EPB41L4B: variants seen among roughly 807,000 people sequenced by gnomAD.
The protein encoded by EPB41L4B is erythrocyte membrane protein band 4.1 like 4B.
EPB41L4B carries 30 observed loss-of-function variants against 112.5 expected under a neutral mutation model. The observed-to-expected ratio is 0.27, with a 90% CI of 0.20 to 0.36. The LOEUF (loss-of-function observed/expected upper bound fraction) is 0.36. EPB41L4B is among the 10% of genes least tolerant of loss of function. The pLI is 1.00. For synonymous variants in EPB41L4B, 408 were observed against 439.7 expected (o/e 0.93, Z 0.90); for missense variants, 1,024 against 1,133.3 (o/e 0.90, Z 1.38).
chr9:109,240,484 CAAA>C, intron 15 of EPB41L4B: 1 of 985,164 alleles, frequency 1.0e-6, no homozygotes. Context: ...ATTACATATA[CAAA>C]AATGGCACAA....
intron 1 of EPB41L4B, among the ~76,000 whole-genome samples, chr9:109,304,723 T>G (rs1837103316): frequency 6.6e-6 from 1 of 152,164 alleles, no homozygotes; most frequent in Non-Finnish European, 1.5e-5. Context: ...GGAAAGGGCT[T>G]GGAACAATGT....
chr9:109,281,125 A>G (rs1836017820), intron 1 of EPB41L4B, among the ~76,000 whole-genome samples: 1 of 148,940 alleles, frequency 6.7e-6, no homozygotes, highest in East Asian at 1.9e-4. Context: ...AAAATGTGAG[A>G]CTTTTTTTTT....
chr9:109,179,453 A>C (rs1277524692), intron 24 of EPB41L4B, among the ~76,000 whole-genome samples: 1 of 152,190 alleles, frequency 6.6e-6, no homozygotes, highest in Non-Finnish European at 1.5e-5. Context: ...GAGAAGCTGA[A>C]GCCCATGAGC....
At chr9:109,220,824 C>G (rs1362449886) in intron 15 of EPB41L4B, among the ~76,000 whole-genome samples, 1 of 152,020 alleles carries the variant, frequency 6.6e-6, no homozygotes, top group East Asian at 1.9e-4. Flanking sequence ...GAAGAAGGCA[C>G]GATTTTGGCT....
Position 109,255,629 on chromosome 9 carries a change from A to G in EPB41L4B, c.1051T>C (p.Cys351Arg). 1 of 1,614,206 alleles carries G rather than the reference A, an allele frequency of 6.2e-7. No homozygotes were observed. The highest frequency in any genetic ancestry group is 8.5e-7 in the Non-Finnish European group (1 of 1,180,022). Residue 351 changes from cysteine (C) to arginine (R), a missense_variant, in exon 11 of 26, where the codon TGC becomes CGC. Coordinates refer to ENST00000374566, the MANE Select transcript of EPB41L4B (RefSeq NM_019114.5). ...ACTGCACACTTCCAAAGGTGTTTGC[A>G]GGTCCTGGCACTGTCTAACCGGAAC... Reference protein sequence around the residue: ...FVFRLDSARTCKHLWKCAVEH... With the variant: ...FVFRLDSARTRKHLWKCAVEH...
In EPB41L4B at chr9:109,173,871, A is replaced by G. The variant is rs913838551; in HGVS notation, c.*683T>C. On this transcript the variant is annotated 3_prime_UTR_variant, in exon 26 of 26. Coordinates refer to ENST00000374566, the MANE Select transcript of EPB41L4B (RefSeq NM_019114.5). ...ATCTTCTTGATATTGAATCATCTTA[A>G]CCTTGTAAGGATTTTTAGACAATGT... 3.3e-5 allele frequency: 5 copies of G among 152,360 alleles called. No individual in the cohort carries two copies. Among genetic ancestry groups the G allele is most frequent in the Admixed American group, 3.3e-4 (5 of 15,278 alleles). The allele number at this position is 152,360 out of a possible 1,614,324, so 9.4% of individuals were successfully genotyped here. A position where few individuals can be genotyped will look rare whatever the true frequency, so the allele number is the denominator to read the frequency against.
rs1831658995 is a variant in EPB41L4B at position 109,172,304 on chromosome 9, C to G, written c.*2250G>C. ...GCGAGCAGGAGGTGAAGAGCAGAAG[C>G]CTCAGAAAGCAGGTTAGAAGAGGAA... On this transcript the variant is annotated 3_prime_UTR_variant, in exon 26 of 26. Transcript: ENST00000374566. 6.6e-6 allele frequency: 1 copy of G among 152,154 alleles called. No homozygotes were observed. Among genetic ancestry groups the G allele is most frequent in the South Asian group, 2.1e-4 (1 of 4,822 alleles). 9.4% of individuals were successfully genotyped at this position (152,154 alleles called of 1,614,324 possible). A position where few individuals can be genotyped will look rare whatever the true frequency, so the allele number is the denominator to read the frequency against.
chr9:109,191,234 A>T (rs1420352430), intron 22 of EPB41L4B, among the ~76,000 whole-genome samples: 1 of 152,180 alleles, frequency 6.6e-6, no homozygotes, highest in East Asian at 1.9e-4. Context: ...CTTGCCAAAA[A>T]GCTAGATGCC....
Position 109,218,864 on chromosome 9 carries a change from A to T in EPB41L4B, c.1410-1719T>A, listed in dbSNP as rs570660503. Reference sequence around the variant, plus strand: ...GCAGGGCTAACCCCTTTTTCTGCTCATTCCCATGGTTCAGATCTCTACTGC... The same window carrying T: ...GCAGGGCTAACCCCTTTTTCTGCTCTTTCCCATGGTTCAGATCTCTACTGC... On this transcript the variant is annotated intron_variant, in intron 15 of 25. Transcript: ENST00000374566. Among the ~76,000 whole-genome samples the T allele has an allele frequency of 3.9e-4, 59 of 152,190 alleles. 1 individual carries two copies. The highest frequency in any genetic ancestry group is 1.4e-3 in the African/African-American group (57 of 41,526).
At chr9:109,264,011 T>G (rs1835310026) in intron 5 of EPB41L4B, among the ~76,000 whole-genome samples, 1 of 151,928 alleles carries the variant, frequency 6.6e-6, no homozygotes. Context: ...GCCTTTAGTA[T>G]GAGGAGCACA....
intron 14 of EPB41L4B, among the ~76,000 whole-genome samples, chr9:109,245,386 A>T (rs1834515842): frequency 6.6e-6 from 1 of 152,188 alleles, no homozygotes; most frequent in African/African-American, 2.4e-5. Context: ...AGATTTTGGA[A>T]ACTTCCTTGG....
chr9:109,230,996 C>T (rs1833934621), intron 15 of EPB41L4B, among the ~76,000 whole-genome samples: 1 of 151,976 alleles, frequency 6.6e-6, no homozygotes, highest in South Asian at 2.1e-4. Context: ...CTCAACACTA[C>T]TAAAAATACA....
At chr9:109,236,306 T>C (rs1404608031) in intron 15 of EPB41L4B, among the ~76,000 whole-genome samples, 1 of 152,126 alleles carries the variant, frequency 6.6e-6, no homozygotes, top group African/African-American at 2.4e-5. Context: ...ACTAGAATGC[T>C]CGCATTTTTC....
At position 109,174,602 on chromosome 9, in the gene EPB41L4B, T is replaced by G. The variant is rs1564242992; in HGVS notation, c.2655A>C (p.Glu885Asp). 2.5e-6 allele frequency: 4 copies of G among 1,614,134 alleles called. No homozygotes were observed. Among genetic ancestry groups the G allele is most frequent in the Non-Finnish European group, 3.4e-6 (4 of 1,179,990 alleles). Residue 885 changes from glutamate (E) to aspartate (D), a missense_variant, in exon 26 of 26, where the codon GAA becomes GAC. By Grantham distance (45) the Glu-to-Asp change is conservative (BLOSUM62 2). Coordinates refer to ENST00000374566, the MANE Select transcript of EPB41L4B (RefSeq NM_019114.5). ...LAASAETLRQ[E>D]LEREKMMKRL... ...TTTTCATCATCTTCTCTCTCTCCAG[T>G]TCCTGCCGGAGTGTCTCTGCACTAA...
intron 1 of EPB41L4B, among the ~76,000 whole-genome samples, chr9:109,301,503 C>A (rs1836965005): frequency 6.6e-6 from 1 of 152,210 alleles, no homozygotes; most frequent in African/African-American, 2.4e-5. Context: ...GAGTCCCCTT[C>A]CTCGTCAATC....
At chr9:109,309,755 CAGAGAGAGAGAGAGAGAGAGAG>C in intron 1 of EPB41L4B, among the ~76,000 whole-genome samples, 1 of 142,228 alleles carries the variant, frequency 7.0e-6, no homozygotes, top group Non-Finnish European at 1.5e-5. Flanking sequence ...AATACACACA[CAGAGAGAGAGAGAGAGAGAGAG>C]AGAGAGAGAG....
At chr9:109,219,352 C>A (rs1833493924) in intron 15 of EPB41L4B, among the ~76,000 whole-genome samples, 1 of 152,252 alleles carries the variant, frequency 6.6e-6, no homozygotes, top group Admixed American at 6.5e-5. Context: ...AGCACTTTTG[C>A]CTTTGTCCAT....
At chr9:109,248,780 C>T (rs1371370589) in intron 13 of EPB41L4B, among the ~76,000 whole-genome samples, 1 of 151,980 alleles carries the variant, frequency 6.6e-6, no homozygotes. Context: ...TATATATAGG[C>T]CGGGCGTGGT....
Position 109,320,372 on chromosome 9 carries a change from C to T in EPB41L4B, c.75G>A (p.Gly25=). The T allele has an allele frequency of 2.0e-6, 2 of 982,756 alleles. No homozygotes were observed. The highest frequency in any genetic ancestry group is 2.4e-6 in the Non-Finnish European group (2 of 829,466). The allele number at this position is 982,756 out of a possible 1,614,324, so 60.9% of individuals were successfully genotyped here. A position where few individuals can be genotyped will look rare whatever the true frequency, so the allele number is the denominator to read the frequency against. The part of the protein sequence containing the change: ...QRYARGAAGR[G]AAGLGDERDG... Reference sequence around the variant, plus strand: ...CGCGCTCGTCCCCCAGCCCGGCGGCCCCGCGCCCCGCCGCGCCCCGCGCGT... The same window carrying T: ...CGCGCTCGTCCCCCAGCCCGGCGGCTCCGCGCCCCGCCGCGCCCCGCGCGT... Residue 25 remains glycine, a synonymous_variant, in exon 1 of 26, where the codon GGG becomes GGA. Coordinates refer to ENST00000374566, the MANE Select transcript of EPB41L4B (RefSeq NM_019114.5).
Sources: allele counts gnomAD v4.1 joint callset (sites outside exome capture counted in the v4.1 genomes callset), GRCh38; gene constraint gnomAD v4.1.1; transcripts MANE v1.5; gene names NCBI Gene and HGNC (gene_info 2026-07-23, HGNC 2026-07-21).